Variants in PWWP2A observed in about 807,000 individuals in gnomAD.
The protein encoded by PWWP2A is PWWP domain containing 2A.
A neutral mutation model predicts 48.5 loss-of-function variants in PWWP2A; 18 were observed. The ratio of observed to expected loss-of-function variants is 0.37; its 90% CI spans 0.26 to 0.55. The LOEUF is 0.55. Among genes scored for constraint, PWWP2A ranks in the 20% least tolerant of loss-of-function variants. PWWP2A has a pLI of 0.81. For synonymous variants in PWWP2A, 396 were observed against 387.7 expected, an observed-to-expected ratio of 1.02 and a Z score of -0.25; for missense variants, 867 against 976.4, an observed-to-expected ratio of 0.89 and a Z score of 1.49.
Position 160,118,798 on chromosome 5 carries a change from G to T in PWWP2A, c.584+7C>A. The T allele has an allele frequency of 6.9e-7, 1 of 1,452,102 alleles. No homozygotes were observed. The highest frequency in any genetic ancestry group is 9.1e-7 in the Non-Finnish European group (1 of 1,098,552). 90.0% of individuals were successfully genotyped at this position (1,452,102 alleles called of 1,614,324 possible). A position where few individuals can be genotyped will look rare whatever the true frequency, so the allele number is the denominator to read the frequency against. On this transcript the variant is annotated splice_region_variant and intron_variant, in intron 1 of 1. Coordinates refer to ENST00000307063, the MANE Select transcript of PWWP2A (RefSeq NM_001130864.2). Reference sequence around the variant, plus strand: ...GGACCGGAGGGTGCTGGGGGCGGGCGCGGTACCTTTTGGACAGATCCATGA... The same window carrying T: ...GGACCGGAGGGTGCTGGGGGCGGGCTCGGTACCTTTTGGACAGATCCATGA...
the PWWP2A span, among the ~76,000 whole-genome samples, chr5:160,056,386 G>A: frequency 6.6e-6 from 1 of 152,126 alleles, no homozygotes; most frequent in Non-Finnish European, 1.5e-5. Context: ...AATCTGATGA[G>A]GGCACATTGT....
At chr5:160,116,812 G>T (rs1251890297) in intron 1 of PWWP2A, 3 of 984,712 alleles carry the variant, frequency 3.0e-6, no homozygotes, top group Non-Finnish European at 3.6e-6. Flanking sequence ...ATCAGTAGAG[G>T]CCGGGCGAGG....
intron 2 of PWWP2A, among the ~76,000 whole-genome samples, chr5:160,067,882 T>C (rs1487604015): frequency 6.6e-6 from 1 of 152,214 alleles, no homozygotes; most frequent in Non-Finnish European, 1.5e-5. Flanking sequence ...TGCTAGAATG[T>C]GTGATTTTAA....
chr5:160,113,151 T>A (rs570417520), intron 1 of PWWP2A: 6 of 824,402 alleles, frequency 7.3e-6, no homozygotes, highest in East Asian at 1.4e-4. Context: ...GAAGCAAGAC[T>A]CTGTGTCAAA....
At chr5:160,107,423 T>C (rs1018034427) in intron 1 of PWWP2A, among the ~76,000 whole-genome samples, 1 of 152,380 alleles carries the variant, frequency 6.6e-6, no homozygotes, top group South Asian at 2.1e-4. Context: ...GCTTCTGTTC[T>C]GGTACTGTGT....
At chr5:160,100,388 C>T (rs1581227474) in intron 1 of PWWP2A, among the ~76,000 whole-genome samples, 1 of 152,036 alleles carries the variant, frequency 6.6e-6, no homozygotes, top group African/African-American at 2.4e-5. Context: ...ACTTAGGAGG[C>T]TTGAGGTGGG....
chr5:160,046,752 G>A, the PWWP2A span, among the ~76,000 whole-genome samples: 3 of 152,284 alleles, frequency 2.0e-5, no homozygotes, highest in Non-Finnish European at 4.4e-5. Context: ...AGTGGCTCAC[G>A]CCTGTAATCC....
At chr5:160,099,969 G>A (rs904016505) in intron 1 of PWWP2A, among the ~76,000 whole-genome samples, 1 of 151,966 alleles carries the variant, frequency 6.6e-6, no homozygotes, top group East Asian at 2.0e-4. Flanking sequence ...CCTGGCCAGT[G>A]CCAAAATTTT....
At chr5:160,048,654 T>C in the PWWP2A span, among the ~76,000 whole-genome samples, 4 of 152,180 alleles carry the variant, frequency 2.6e-5, no homozygotes, top group East Asian at 7.7e-4. Context: ...ACTAGAAATA[T>C]AATCTTAGTA....
chr5:160,062,910 C>G (rs1379612358), intron 5 of PWWP2A, among the ~76,000 whole-genome samples: 1 of 152,144 alleles, frequency 6.6e-6, no homozygotes, highest in African/African-American at 2.4e-5. Context: ...GCTGCCCTGT[C>G]TTTCTCTTGC....
chr5:160,092,640 T>C lies in PWWP2A; in HGVS notation c.2010A>G (p.Pro670=). ...WAKIYGFPWW[P]ARILTITVSR... ...TCACAGTTATAGTAAGAATACGGGC[T>C]GGCCACCAAGGGAAGCCATATATCT... The change falls in exon 2 of 2, where the codon CCA becomes CCG. Residue 670 remains proline, a synonymous_variant. Transcript: ENST00000307063. The C allele has an allele frequency of 1.9e-6, 3 of 1,551,714 alleles. No homozygotes were observed. Among genetic ancestry groups the C allele is most frequent in the Non-Finnish European group, 2.6e-6 (3 of 1,146,998 alleles).
At chr5:160,111,231 G>T (rs566458302) in intron 1 of PWWP2A, among the ~76,000 whole-genome samples, 5 of 152,204 alleles carry the variant, frequency 3.3e-5, no homozygotes, top group South Asian at 4.1e-4. Context: ...GCAATAGCAT[G>T]ATCTCAGCTC....
intron 1 of PWWP2A, among the ~76,000 whole-genome samples, chr5:160,097,179 T>C (rs1468714945): frequency 2.0e-5 from 3 of 150,096 alleles, no homozygotes; most frequent in Non-Finnish European, 3.0e-5. Context: ...TTTCTACAAA[T>C]AGGAAAAATT....
intron 1 of PWWP2A, among the ~76,000 whole-genome samples, chr5:160,094,548 T>C (rs952030447): frequency 2.0e-5 from 3 of 152,220 alleles, no homozygotes; most frequent in African/African-American, 7.2e-5. Context: ...CCATCTCAAC[T>C]TTATTGGTTA....
intron 1 of PWWP2A, among the ~76,000 whole-genome samples, chr5:160,110,932 G>A (rs996852073): frequency 7.4e-6 from 1 of 134,974 alleles, no homozygotes; most frequent in African/African-American, 2.9e-5. Context: ...TCAGGAGGCT[G>A]AGACAAGAAA....
At chr5:160,085,138 C>T (rs1347404195) in intron 2 of PWWP2A, among the ~76,000 whole-genome samples, 6 of 151,804 alleles carry the variant, frequency 4.0e-5, no homozygotes, top group African/African-American at 1.5e-4. Flanking sequence ...AAGTGATTCT[C>T]CTGCCTCAGC....
chr5:160,045,124 C>T, the PWWP2A span, among the ~76,000 whole-genome samples: 9,898 of 152,134 alleles, frequency 0.065, 400 homozygotes, highest in Non-Finnish European at 0.088. Context: ...TGCTGGTTTT[C>T]AAAGCTTCTT....
rs73311125 is a variant in PWWP2A at position 160,083,551 on chromosome 5, G to T, written c.1550-2781C>A. On this transcript the variant is annotated intron_variant, in intron 2 of 3. Coordinates refer to the PWWP2A transcript ENST00000456329. ...GGAAGCACAGCATCTATGCAAATCA[G>T]CTAATTTACCCAAAAGCTGACAAAT... Among the ~76,000 whole-genome samples the T allele has an allele frequency of 6.8e-3, 1,038 of 152,270 alleles. 12 individuals carry two copies. Among genetic ancestry groups the T allele is most frequent in the African/African-American group, 0.024 (999 of 41,552 alleles).
chr5:160,081,058 A>G (rs957433587), intron 2 of PWWP2A, among the ~76,000 whole-genome samples: 2 of 152,126 alleles, frequency 1.3e-5, no homozygotes, highest in Admixed American at 6.6e-5. Flanking sequence ...CTGCCCTCCA[A>G]GCAAACTAAC....
Sources: allele counts gnomAD v4.1 joint callset (sites outside exome capture counted in the v4.1 genomes callset), GRCh38; gene constraint gnomAD v4.1.1; transcripts MANE v1.5; gene names NCBI Gene and HGNC (gene_info 2026-07-23, HGNC 2026-07-21).